Variants in FAM149A observed in about 807,000 individuals in gnomAD.
FAM149A encodes the protein family with sequence similarity 149 member A, also known as protein FAM149A.
In FAM149A, 71 loss-of-function variants were observed where a neutral mutation model predicts 78.2. That is an observed-to-expected ratio of 0.91 (90% confidence interval 0.75 to 1.11). The LOEUF (loss-of-function observed/expected upper bound fraction) is 1.11, where lower values mean the gene tolerates loss of function less well. Among genes scored for constraint, FAM149A ranks in the 50% least tolerant of loss-of-function variants. The pLI is 0.00. For synonymous variants in FAM149A, 446 were observed against 410.5 expected, an observed-to-expected ratio of 1.09 and a Z score of -1.04; for missense variants, 1,036 against 971.0, an observed-to-expected ratio of 1.07 and a Z score of -0.89.
At chr4:186,165,078 C>T (rs539030618) in intron 10 of FAM149A, among the ~76,000 whole-genome samples, 2 of 152,254 alleles carry the variant, frequency 1.3e-5, no homozygotes, top group East Asian at 1.9e-4. Context: ...CCTCACTTTC[C>T]CTCTGACCCC....
intron 1 of FAM149A, among the ~76,000 whole-genome samples, chr4:186,145,265 G>A (rs1458858772): frequency 6.6e-6 from 1 of 152,128 alleles, no homozygotes; most frequent in South Asian, 2.1e-4. Flanking sequence ...CTCACGCGGG[G>A]AAGCGTTCGC....
At chr4:186,105,738 T>G (rs2099308477) in intron 1 of FAM149A, 96 bp downstream of exon 1, 23 of 859,222 alleles carry the variant, frequency 2.7e-5, no homozygotes, top group Non-Finnish European at 3.3e-5. Context: ...CTTCAGGAAA[T>G]GAAATATTTG....
intron 1 of FAM149A, among the ~76,000 whole-genome samples, chr4:186,147,813 A>G (rs1393531967): frequency 4.6e-5 from 7 of 152,214 alleles, no homozygotes; most frequent in Non-Finnish European, 7.3e-5. Context: ...GGCTAAAGGT[A>G]AAGCAGTTTG....
intron 3 of FAM149A, among the ~76,000 whole-genome samples, chr4:186,150,501 G>C (rs1356419494): frequency 5.6e-4 from 68 of 120,550 alleles, no homozygotes; most frequent in African/African-American, 1.8e-3. Flanking sequence ...CTCACTGCAA[G>C]CTCCGCCTCC....
rs780104069 is a variant in FAM149A at position 186,153,641 on chromosome 4, G to T, written c.933-4G>T. ...ATGTCAGTAGCTTCTCTTTGACCTC[G>T]CAGAGTATTAGGAAGACAGCTGATC... On this transcript the variant is annotated splice_region_variant and splice_polypyrimidine_tract_variant and intron_variant, in intron 4 of 13. Transcript: ENST00000389354. 35 of 1,609,718 alleles carry T rather than the reference G, an allele frequency of 2.2e-5. No homozygotes were observed. The South Asian group carries it at 3.5e-4, about 16-fold the overall frequency.
rs557430689 is a variant in FAM149A at position 186,171,692 on chromosome 4, C to T, written c.2219-222C>T. The stretch of plus-strand genomic sequence containing the variant: ...TCGTGAATCCACCAGCTCGGGAGGA[C>T]GCGTGGCCTGCACCTCCGCTTGATT... On this transcript the variant is annotated intron_variant, in intron 13 of 13. Coordinates refer to ENST00000389354, the MANE Select transcript of FAM149A (RefSeq NM_001367768.3). 7.9e-5 allele frequency among the ~76,000 whole-genome samples: 12 copies of T among 152,300 alleles called. No homozygotes were observed. The East Asian group carries it at 1.5e-3, about 20-fold the overall frequency.
intron 8 of FAM149A, among the ~76,000 whole-genome samples, chr4:186,159,343 G>A (rs1309322448): frequency 6.6e-6 from 1 of 152,132 alleles, no homozygotes. Context: ...TACATTGAAG[G>A]TAAAATTTGA....
At position 186,135,870 on chromosome 4, in the gene FAM149A, G is replaced by A. The variant is rs901910631; in HGVS notation, c.567-13303G>A. Among the ~76,000 whole-genome samples the A allele has an allele frequency of 5.9e-5, 9 of 152,314 alleles. 1 individual carries two copies. The South Asian group carries it at 1.0e-3, about 18-fold the overall frequency. On this transcript the variant is annotated intron_variant, in intron 1 of 13. Coordinates refer to ENST00000389354, the MANE Select transcript of FAM149A (RefSeq NM_001367768.3). ...AGCTGAAACAAGGCAGGGTCGCCTT[G>A]TGTGACCGCAGCGGGGAGCACGCAG...
chr4:186,149,266 C>G lies in FAM149A; in HGVS notation c.660C>G (p.Ala220=). ...ATTTTACAAGAAATGTGCAGAAAGC[C>G]ATTGATAAATATACCTGGTAAGAAT... Residue 220 remains alanine, a synonymous_variant, in exon 2 of 14, where the codon GCC becomes GCG. Transcript: ENST00000389354. The G allele has an allele frequency of 3.1e-6, 4 of 1,288,380 alleles. No individual in the cohort carries two copies. The highest frequency in any genetic ancestry group is 4.0e-6 in the Non-Finnish European group (4 of 988,500). The allele number at this position is 1,288,380 out of a possible 1,614,324, so 79.8% of individuals were successfully genotyped here. A position where few individuals can be genotyped will look rare whatever the true frequency, so the allele number is the denominator to read the frequency against.
rs1561411124 is a variant in FAM149A at position 186,157,691 on chromosome 4, C to T, written c.1547C>T (p.Ser516Phe). ...GGACACGCCGAGGCTCACGGCATCT[C>T]CCTGGCTTCTCGTCTGAACCCGCCC... is the stretch of plus-strand genomic sequence containing the variant. The change falls in exon 8 of 14, where the codon TCC becomes TTC. Residue 516 changes from serine to phenylalanine, a missense_variant. By Grantham distance (155) the Ser-to-Phe change is radical. This residue lies in a region of FAM149A where 716 missense variants were observed against 711.8 expected (regional missense o/e 1.01). Transcript: ENST00000389354. The T allele has an allele frequency of 1.9e-6, 3 of 1,613,074 alleles. No individual in the cohort carries two copies. Among genetic ancestry groups the T allele is most frequent in the Non-Finnish European group, 2.5e-6 (3 of 1,179,408 alleles).
intron 1 of FAM149A, among the ~76,000 whole-genome samples, chr4:186,136,938 C>CTCTCTCTCTCTCTCTCTCTCTT: frequency 1.2e-5 from 1 of 81,082 alleles, no homozygotes; most frequent in African/African-American, 5.5e-5. Context: ...ACTGATTGAT[C>CTCTCTCTCTCTCTCTCTCTCTT]TCTCTCTCTC....
intron 1 of FAM149A, chr4:186,127,680 C>A (rs2099318899): frequency 1.1e-6 from 1 of 904,698 alleles, no homozygotes; most frequent in African/African-American, 2.1e-5. Flanking sequence ...CTGAAATATT[C>A]TGGTGGTTTT....
chr4:186,150,578 C>G (rs1344888675), intron 3 of FAM149A, among the ~76,000 whole-genome samples: 1 of 43,788 alleles, frequency 2.3e-5, no homozygotes, highest in African/African-American at 6.0e-5. Flanking sequence ...CACCACCACG[C>G]CCGGCTAATT....
rs201453257 is a variant in FAM149A, at chr4:186,130,289, C to A, written c.567-18884C>A. ...TCTCTCTCTCTCTCTCTCTCTCTCT[C>A]TCTCTATATATATATATATATATAT... On this transcript the variant is annotated intron_variant, in intron 1 of 13. Transcript: ENST00000389354. 8.8e-3 allele frequency: 323 copies of A among 36,816 alleles called. 2 individuals carry two copies. Among genetic ancestry groups the A allele is most frequent in the Middle Eastern group, 0.054 (3 of 56 alleles). The allele number at this position is 36,816 out of a possible 1,614,324, so 2.3% of individuals were successfully genotyped here. A position where few individuals can be genotyped will look rare whatever the true frequency, so the allele number is the denominator to read the frequency against.
At chr4:186,136,822 G>T (rs1032443051) in intron 1 of FAM149A, among the ~76,000 whole-genome samples, 3 of 152,278 alleles carry the variant, frequency 2.0e-5, no homozygotes, top group Admixed American at 6.5e-5. Flanking sequence ...AGCCTAAGAA[G>T]GTGGCTCTGC....
At chr4:186,117,641 A>G in intron 1 of FAM149A, 1 of 985,444 alleles carries the variant, frequency 1.0e-6, no homozygotes, top group Non-Finnish European at 1.2e-6. Context: ...TGTTAGGAGC[A>G]CAGCTGTTGT....
rs183525822 is a variant in FAM149A, at chr4:186,167,491, A to G, written c.2218+229A>G. The G allele has an allele frequency of 1.4e-5, 8 of 574,134 alleles. No individual in the cohort carries two copies. The East Asian group carries it at 2.4e-4, about 17-fold the overall frequency. The allele number at this position is 574,134 out of a possible 1,614,324, so 35.6% of individuals were successfully genotyped here. A position where few individuals can be genotyped will look rare whatever the true frequency, so the allele number is the denominator to read the frequency against. On this transcript the variant is annotated intron_variant, in intron 13 of 13. Transcript: ENST00000389354. ...AAGAGGGGAATGTCCAAAAGCTCTC[A>G]ATGAACTGGGGGCCTCACTCAAAAA...
chr4:186,167,163 A>G, intron 12 of FAM149A, 21 bp from the exon 13 acceptor site: 1 of 1,606,554 alleles, frequency 6.2e-7, no homozygotes. Context: ...CTTGTCCCTG[A>G]TTTTATTTTT....
At chr4:186,132,624 A>G (rs1236036343) in intron 1 of FAM149A, among the ~76,000 whole-genome samples, 2 of 152,184 alleles carry the variant, frequency 1.3e-5, no homozygotes, top group Middle Eastern at 3.2e-3. Context: ...ATAGGAGGGT[A>G]TGGTCTCACT....
Sources: allele counts gnomAD v4.1 joint callset (sites outside exome capture counted in the v4.1 genomes callset), GRCh38; gene constraint gnomAD v4.1.1; regional missense constraint gnomAD v4.1.1; transcripts MANE v1.5; gene names NCBI Gene and HGNC (gene_info 2026-07-23, HGNC 2026-07-21).